TBC1D5: variants seen among roughly 807,000 people sequenced by gnomAD.
The protein encoded by TBC1D5 is TBC1 domain family, member 5.
TBC1D5 carries 75 observed loss-of-function variants against 100.3 expected under a neutral mutation model. That is an observed-to-expected ratio of 0.75 (90% CI 0.62 to 0.91). The LOEUF is 0.91. Among genes scored for constraint, TBC1D5 ranks in the 40% least tolerant of loss-of-function variants. The pLI is 0.00. For missense variants in TBC1D5, 910 were observed against 942.4 expected (o/e 0.97, Z 0.45); for synonymous variants, 323 against 325.6 (o/e 0.99, Z 0.09).
rs1292568946 is a variant in TBC1D5, at chr3:17,185,019, C to T, written c.1852+90G>A. ...GATTAAATAAGGTAATTCATGTAAA[C>T]AGCTTAGCACAAGGCCTAGAACAAA... On this transcript the variant is annotated intron_variant, in intron 19 of 21. Coordinates refer to ENST00000253692, the Ensembl canonical transcript of TBC1D5. 57 of 1,099,614 alleles carry T rather than the reference C, an allele frequency of 5.2e-5. No individual in the cohort carries two copies. In the Admixed American group the frequency reaches 1.2e-3, roughly 22 times the overall value. 68.1% of individuals were successfully genotyped at this position (1,099,614 alleles called of 1,614,324 possible). A position where few individuals can be genotyped will look rare whatever the true frequency, so the allele number is the denominator to read the frequency against.
intron 13 of TBC1D5, among the ~76,000 whole-genome samples, chr3:17,324,347 A>C (rs956888426): frequency 6.6e-6 from 1 of 152,250 alleles, no homozygotes; most frequent in South Asian, 2.1e-4. Context: ...GGTACCATTA[A>C]GAAAATGAAA....
intron 1 of TBC1D5, among the ~76,000 whole-genome samples, chr3:17,628,516 A>G (rs113166553): frequency 6.6e-6 from 1 of 152,148 alleles, no homozygotes; most frequent in Non-Finnish European, 1.5e-5. Flanking sequence ...ATAAACTACA[A>G]GAAGAGAGAC....
intron 10 of TBC1D5, among the ~76,000 whole-genome samples, chr3:17,375,891 T>C (rs1177790739): frequency 2.0e-5 from 3 of 152,172 alleles, no homozygotes; most frequent in Non-Finnish European, 2.9e-5. Flanking sequence ...TGATGAATAC[T>C]CCTGGACACA....
intron 13 of TBC1D5, among the ~76,000 whole-genome samples, chr3:17,342,591 T>C (rs1014366281): frequency 1.3e-5 from 2 of 152,230 alleles, no homozygotes; most frequent in Non-Finnish European, 2.9e-5. Flanking sequence ...GGCTGACTAT[T>C]AAAATAAATT....
intron 1 of TBC1D5, among the ~76,000 whole-genome samples, chr3:17,663,293 A>T (rs1309718282): frequency 6.6e-6 from 1 of 152,072 alleles, no homozygotes; most frequent in African/African-American, 2.4e-5. Flanking sequence ...AATAAAACAA[A>T]TCCAAACAAA....
intron 13 of TBC1D5, among the ~76,000 whole-genome samples, chr3:17,363,246 C>T (rs1274649197): frequency 6.6e-6 from 1 of 152,062 alleles, no homozygotes; most frequent in East Asian, 1.9e-4. Flanking sequence ...CATATCTATA[C>T]ATGGACTTTT....
intron 2 of TBC1D5, among the ~76,000 whole-genome samples, chr3:17,519,320 T>C (rs76110320): frequency 0.026 from 3,923 of 152,166 alleles, 318 homozygotes; most frequent in East Asian, 0.25. Flanking sequence ...TCCTACTAAT[T>C]CTCCATATTT....
At chr3:17,656,012 T>G (rs1292321331) in intron 1 of TBC1D5, among the ~76,000 whole-genome samples, 1 of 152,210 alleles carries the variant, frequency 6.6e-6, no homozygotes, top group Non-Finnish European at 1.5e-5. Flanking sequence ...AGGACACTAA[T>G]ACAGCTATTA....
chr3:17,315,096 T>C (rs562217975), intron 13 of TBC1D5, among the ~76,000 whole-genome samples: 3 of 152,312 alleles, frequency 2.0e-5, no homozygotes, highest in African/African-American at 4.8e-5. Flanking sequence ...GACCCATACA[T>C]AGGAAGTTCT....
chr3:17,594,993 G>A (rs938574221), intron 2 of TBC1D5, among the ~76,000 whole-genome samples: 2 of 152,132 alleles, frequency 1.3e-5, no homozygotes, highest in African/African-American at 4.8e-5. Flanking sequence ...ATCTGGGTGG[G>A]CACAATCTAA....
At chr3:17,226,405 C>T (rs1308126188) in intron 17 of TBC1D5, among the ~76,000 whole-genome samples, 2 of 151,156 alleles carry the variant, frequency 1.3e-5, no homozygotes, top group Non-Finnish European at 2.9e-5. Context: ...CTAAAATACG[C>T]TGCTGTAGGG....
At chr3:17,200,282 G>A (rs1276792473) in intron 18 of TBC1D5, among the ~76,000 whole-genome samples, 1 of 152,200 alleles carries the variant, frequency 6.6e-6, no homozygotes, top group East Asian at 1.9e-4. Context: ...CTATAGTTCA[G>A]GGGTCCCCAA....
chr3:17,306,091 T>A (rs978992694), intron 14 of TBC1D5, among the ~76,000 whole-genome samples: 2 of 147,238 alleles, frequency 1.4e-5, no homozygotes, highest in African/African-American at 5.0e-5. Context: ...AATATATACA[T>A]CCCTAATAAG....
At chr3:17,253,619 C>T (rs534925536) in intron 16 of TBC1D5, among the ~76,000 whole-genome samples, 5 of 152,282 alleles carry the variant, frequency 3.3e-5, no homozygotes, top group South Asian at 2.1e-4. Flanking sequence ...CTCCCAAATT[C>T]GCTCATGTCT....
At chr3:17,455,029 G>C (rs2095025516) in intron 3 of TBC1D5, among the ~76,000 whole-genome samples, 1 of 151,330 alleles carries the variant, frequency 6.6e-6, no homozygotes, top group African/African-American at 2.4e-5. Context: ...AAAGCAGTCT[G>C]CAGATTCAAT....
chr3:17,326,254 T>G (rs2470580), intron 13 of TBC1D5, among the ~76,000 whole-genome samples: 9 of 151,892 alleles, frequency 5.9e-5, no homozygotes, highest in Non-Finnish European at 1.0e-4. Flanking sequence ...ATAGGAACAT[T>G]GAAGAGGGAA....
At chr3:17,675,694 G>C (rs1434086960) in intron 1 of TBC1D5, among the ~76,000 whole-genome samples, 1 of 152,106 alleles carries the variant, frequency 6.6e-6, no homozygotes, top group African/African-American at 2.4e-5. Flanking sequence ...CTTCCAAAAA[G>C]AGACAACAGG....
chr3:17,594,184 T>C (rs1293013505), intron 2 of TBC1D5, among the ~76,000 whole-genome samples: 1 of 152,324 alleles, frequency 6.6e-6, no homozygotes, highest in East Asian at 1.9e-4. Context: ...AAAGGAGTTA[T>C]AGTGTTGGCT....
At chr3:17,385,187 C>T (rs570747334) in intron 8 of TBC1D5, among the ~76,000 whole-genome samples, 5 of 151,924 alleles carry the variant, frequency 3.3e-5, no homozygotes, top group African/African-American at 7.2e-5. Flanking sequence ...GCACCAAGAA[C>T]GGTGCCTAAC....
Sources: allele counts gnomAD v4.1 joint callset (sites outside exome capture counted in the v4.1 genomes callset), GRCh38; gene constraint gnomAD v4.1.1; transcripts MANE v1.5; gene names NCBI Gene and HGNC (gene_info 2026-07-23, HGNC 2026-07-21).